Variants in PRKACB observed in about 807,000 individuals in gnomAD.
The protein encoded by PRKACB is protein kinase cAMP-activated catalytic subunit beta.
Under a neutral mutation model 51.4 loss-of-function variants are expected in PRKACB, and 16 were observed. The ratio of observed to expected loss-of-function variants is 0.31; its 90% CI spans 0.21 to 0.47. PRKACB has a LOEUF of 0.47. Ranked by LOEUF, PRKACB falls within the 20% of genes least tolerant of loss-of-function variation. PRKACB has a pLI of 1.00. For synonymous variants in PRKACB, 147 were observed against 154.4 expected (o/e 0.95, Z 0.35); for missense variants, 309 against 464.5 (o/e 0.67, Z 3.08).
rs1032289636 is a variant in PRKACB at position 84,236,350 on chromosome 1, A to G, written c.*1045A>G. 3 of 152,554 alleles carry G rather than the reference A, an allele frequency of 2.0e-5. No individual in the cohort carries two copies. Among genetic ancestry groups the G allele is most frequent in the African/African-American group, 7.2e-5 (3 of 41,432 alleles). 9.5% of individuals were successfully genotyped at this position (152,554 alleles called of 1,614,324 possible). A position where few individuals can be genotyped will look rare whatever the true frequency, so the allele number is the denominator to read the frequency against. On this transcript the variant is annotated 3_prime_UTR_variant, in exon 10 of 10. Coordinates refer to ENST00000370685, the MANE Select transcript of PRKACB (RefSeq NM_182948.4). ...ATATAGAGGTATTCATATTTAAATGAGGGTTTACATTTGTTTTGTTTTGTA... is the reference window on the plus strand; with the variant it reads ...ATATAGAGGTATTCATATTTAAATGGGGGTTTACATTTGTTTTGTTTTGTA...
At chr1:84,205,014 T>C (rs1034632152) in intron 8 of PRKACB, 71 of 983,690 alleles carry the variant, frequency 7.2e-5, no homozygotes, top group Non-Finnish European at 8.3e-5. Flanking sequence ...CTGGGCACCT[T>C]AGAAGAATGA....
intron 1 of PRKACB, among the ~76,000 whole-genome samples, chr1:84,174,009 A>G (rs1489179756): frequency 1.3e-5 from 2 of 151,702 alleles, no homozygotes; most frequent in Non-Finnish European, 2.9e-5. Flanking sequence ...CCTCTCCCTT[A>G]GCAAAAGATC....
chr1:84,111,878 G>A (rs976850664), intron 1 of PRKACB, among the ~76,000 whole-genome samples: 3 of 152,116 alleles, frequency 2.0e-5, no homozygotes, highest in Non-Finnish European at 4.4e-5. Context: ...AGAGAATGGT[G>A]TGGCAACTAT....
chr1:84,197,579 T>C (rs897686623), intron 6 of PRKACB, 150 bp from the exon 7 acceptor site: 9 of 528,304 alleles, frequency 1.7e-5, no homozygotes, highest in Non-Finnish European at 2.6e-5. Flanking sequence ...TCACTAGATA[T>C]TCATGAATGA....
intron 1 of PRKACB, among the ~76,000 whole-genome samples, chr1:84,107,420 G>A (rs1231693849): frequency 6.6e-6 from 1 of 152,064 alleles, no homozygotes; most frequent in Non-Finnish European, 1.5e-5. Flanking sequence ...TTGGACATAA[G>A]AACGGGCAAA....
chr1:84,135,326 T>C (rs541242143), intron 1 of PRKACB, among the ~76,000 whole-genome samples: 2 of 152,316 alleles, frequency 1.3e-5, no homozygotes, highest in East Asian at 3.9e-4. Flanking sequence ...TCCACTATTA[T>C]AGTTGAAGAC....
At chr1:84,119,744 T>G (rs1650914157) in intron 1 of PRKACB, among the ~76,000 whole-genome samples, 1 of 152,122 alleles carries the variant, frequency 6.6e-6, no homozygotes, top group Non-Finnish European at 1.5e-5. Flanking sequence ...CACACATACA[T>G]AGGCACACAT....
At chr1:84,148,007 A>G (rs142092655) in intron 1 of PRKACB, among the ~76,000 whole-genome samples, 1 of 152,272 alleles carries the variant, frequency 6.6e-6, no homozygotes, top group Admixed American at 6.5e-5. Flanking sequence ...AGGATAAGTT[A>G]ACTTACTTTA....
At chr1:84,170,683 C>G (rs1294380201) in intron 1 of PRKACB, among the ~76,000 whole-genome samples, 1 of 151,478 alleles carries the variant, frequency 6.6e-6, no homozygotes, top group Non-Finnish European at 1.5e-5. Flanking sequence ...ACACATACTG[C>G]AAATGATATT....
chr1:84,230,288 C>G (rs1407431478), intron 9 of PRKACB, among the ~76,000 whole-genome samples: 1 of 151,936 alleles, frequency 6.6e-6, no homozygotes, highest in Non-Finnish European at 1.5e-5. Flanking sequence ...TTCCATTGAT[C>G]TATATCTCTG....
At chr1:84,080,897 A>G (rs1279971833) in intron 1 of PRKACB, among the ~76,000 whole-genome samples, 2 of 150,920 alleles carry the variant, frequency 1.3e-5, no homozygotes, top group Non-Finnish European at 2.9e-5. Context: ...TAATATGTTT[A>G]TTTTCAAAAT....
chr1:84,124,260 G>A (rs1651360125), intron 1 of PRKACB, among the ~76,000 whole-genome samples: 1 of 152,166 alleles, frequency 6.6e-6, no homozygotes, highest in African/African-American at 2.4e-5. Flanking sequence ...GGAACTAGAA[G>A]AGAAGAAATA....
chr1:84,237,455 A>G lies in PRKACB; in HGVS notation c.*2150A>G, dbSNP rs956490015. The stretch of plus-strand genomic sequence containing the variant: ...AAATATTTTTTTCTATGAAATTACT[A>G]GTGCCCAGCTGTAGAATCTACCTTA... On this transcript the variant is annotated 3_prime_UTR_variant, in exon 10 of 10. Coordinates refer to ENST00000370685, the MANE Select transcript of PRKACB (RefSeq NM_182948.4). 6 of 152,556 alleles carry G rather than the reference A, an allele frequency of 3.9e-5. No individual in the cohort carries two copies. The highest frequency in any genetic ancestry group is 1.2e-4 in the African/African-American group (5 of 41,460). 9.5% of individuals were successfully genotyped at this position (152,556 alleles called of 1,614,324 possible). A position where few individuals can be genotyped will look rare whatever the true frequency, so the allele number is the denominator to read the frequency against.
intron 6 of PRKACB, 116 bp from the exon 7 acceptor site, chr1:84,197,613 T>A: frequency 3.1e-6 from 2 of 647,832 alleles, no homozygotes; most frequent in Non-Finnish European, 5.0e-6. Flanking sequence ...GGACTTAATT[T>A]TTTTTCCATT....
intron 1 of PRKACB, chr1:84,175,826 G>T: frequency 6.5e-7 from 1 of 1,547,124 alleles, no homozygotes; most frequent in Non-Finnish European, 8.7e-7. Context: ...ATTTCCTTTA[G>T]AATGCAATGT....
At chr1:84,218,198 G>A (rs1252674405) in intron 9 of PRKACB, among the ~76,000 whole-genome samples, 1 of 152,018 alleles carries the variant, frequency 6.6e-6, no homozygotes, top group Non-Finnish European at 1.5e-5. Flanking sequence ...ATAATATATT[G>A]TTGTGAAATA....
At chr1:84,142,756 T>C (rs1482340100), upstream of PRKACB, among the ~76,000 whole-genome samples, 1 of 152,222 alleles carries the variant, frequency 6.6e-6, no homozygotes, top group African/African-American at 2.4e-5. Flanking sequence ...TTTAGATTGA[T>C]ATGAATTCCA....
intron 1 of PRKACB, among the ~76,000 whole-genome samples, chr1:84,082,262 A>G (rs1239889420): frequency 6.6e-6 from 1 of 152,206 alleles, no homozygotes; most frequent in Non-Finnish European, 1.5e-5. Context: ...TCTGTATCCA[A>G]TAGAATAGCC....
intron 9 of PRKACB, among the ~76,000 whole-genome samples, chr1:84,234,281 C>T (rs1350493233): frequency 6.6e-6 from 1 of 152,076 alleles, no homozygotes; most frequent in African/African-American, 2.4e-5. Context: ...TCTCAGATCT[C>T]CAGCTGTGTG....
Sources: allele counts gnomAD v4.1 joint callset (sites outside exome capture counted in the v4.1 genomes callset), GRCh38; gene constraint gnomAD v4.1.1; transcripts MANE v1.5; gene names NCBI Gene and HGNC (gene_info 2026-07-23, HGNC 2026-07-21).